The following GRID2 variants were observed in gnomAD, a reference collection of about 807,000 sequenced individuals.
GRID2 encodes the protein glutamate ionotropic receptor delta type subunit 2.
Under a neutral mutation model 114.8 loss-of-function variants are expected in GRID2, and 33 were observed. That is an observed-to-expected ratio of 0.29 (90% CI 0.22 to 0.38). The LOEUF is 0.38. Among genes scored for constraint, GRID2 ranks in the 10% least tolerant of loss-of-function variants. The probability of loss-of-function intolerance (pLI) is 1.00; values close to 1 mark genes in which losing one functional copy is unlikely to be tolerated. For missense variants in GRID2, 1,184 were observed against 1,257.7 expected (o/e 0.94, Z 0.89); for synonymous variants, 505 against 449.9 (o/e 1.12, Z -1.55).
chr4:92,800,437 T>C (rs1266321796), intron 2 of GRID2, among the ~76,000 whole-genome samples: 3 of 151,954 alleles, frequency 2.0e-5, no homozygotes, highest in East Asian at 3.9e-4. Context: ...AGGTTGTAGA[T>C]TGACACAACA....
intron 8 of GRID2, among the ~76,000 whole-genome samples, chr4:93,377,932 T>C (rs1262889258): frequency 1.3e-5 from 2 of 152,114 alleles, no homozygotes; most frequent in East Asian, 3.9e-4. Context: ...TACATGTATA[T>C]CTTGACTTAT....
At chr4:93,466,016 A>G (rs1724232769) in intron 11 of GRID2, among the ~76,000 whole-genome samples, 1 of 152,168 alleles carries the variant, frequency 6.6e-6, no homozygotes, top group South Asian at 2.1e-4. Context: ...TATATAGTAA[A>G]TTCTTTGGGG....
chr4:92,944,104 A>T (rs537546264), intron 2 of GRID2, among the ~76,000 whole-genome samples: 1 of 152,154 alleles, frequency 6.6e-6, no homozygotes, highest in Non-Finnish European at 1.5e-5. Context: ...TACTCTCTTC[A>T]AAGCTGTCAG....
At chr4:93,099,699 T>G (rs1731538231) in intron 3 of GRID2, among the ~76,000 whole-genome samples, 1 of 151,708 alleles carries the variant, frequency 6.6e-6, no homozygotes, top group Admixed American at 6.6e-5. Context: ...CAAACTAGAG[T>G]CAGTACATAG....
chr4:93,808,174 A>T (rs1330874790), exon 2 of GRID2: 1 of 152,160 alleles, frequency 6.6e-6, no homozygotes, highest in Non-Finnish European at 1.5e-5. Flanking sequence ...CACCTTCTTC[A>T]TTATGTCATC....
At chr4:92,866,802 C>T (rs934380859) in intron 2 of GRID2, among the ~76,000 whole-genome samples, 2 of 152,052 alleles carry the variant, frequency 1.3e-5, no homozygotes, top group Admixed American at 6.6e-5. Flanking sequence ...CCTCCCACCT[C>T]GGCCTCCCCA....
At chr4:93,064,403 A>G (rs895472066) in intron 2 of GRID2, among the ~76,000 whole-genome samples, 1 of 151,844 alleles carries the variant, frequency 6.6e-6, no homozygotes, top group Non-Finnish European at 1.5e-5. Flanking sequence ...TAGAATTATA[A>G]TTTTAGAAAT....
chr4:92,732,526 C>T (rs886677044), intron 2 of GRID2, among the ~76,000 whole-genome samples: 1 of 151,970 alleles, frequency 6.6e-6, no homozygotes, highest in African/African-American at 2.4e-5. Context: ...TAGAGTAGGG[C>T]TCTATTGTCT....
chr4:93,726,743 A>T (rs1465550288), intron 14 of GRID2, among the ~76,000 whole-genome samples: 1 of 152,074 alleles, frequency 6.6e-6, no homozygotes, highest in Non-Finnish European at 1.5e-5. Context: ...TTCTCTTTGA[A>T]GCAATTGTGA....
intron 13 of GRID2, among the ~76,000 whole-genome samples, chr4:93,541,217 T>C (rs957322903): frequency 6.6e-6 from 1 of 152,146 alleles, no homozygotes; most frequent in African/African-American, 2.4e-5. Context: ...ACTTAGTACA[T>C]GCGGACAGTA....
rs11414956 is a variant in GRID2 at position 93,385,717 on chromosome 4, T to TAA, written c.1246-9882_1246-9881dup. 3.9e-3 allele frequency among the ~76,000 whole-genome samples: 586 copies of TAA among 151,502 alleles called. 2 individuals carry two copies. Among genetic ancestry groups the TAA allele is most frequent in the Middle Eastern group, 6.9e-3 (2 of 290 alleles). On this transcript the variant is annotated intron_variant, in intron 8 of 15. Transcript: ENST00000282020. ...ATTTTACATTGGTTTTCTGATAATA[T>TAA]AAAAAAAAATTCACAAAATAAACCC...
chr4:93,455,992 A>C lies in GRID2; in HGVS notation c.1858+18A>C. On this transcript the variant is annotated intron_variant, in intron 11 of 15. Coordinates refer to ENST00000282020, the MANE Select transcript of GRID2 (RefSeq NM_001510.4). ...ACAACAAGGTAAGGAGCAAAAGTAC[A>C]TTCTAGTATTTAAAAAAAATAGAAT... 1 of 1,412,918 alleles carries C rather than the reference A, an allele frequency of 7.1e-7. No homozygotes were observed. Among genetic ancestry groups the C allele is most frequent in the Non-Finnish European group, 1.0e-6 (1 of 998,484 alleles). 87.5% of individuals were successfully genotyped at this position (1,412,918 alleles called of 1,614,324 possible).
chr4:92,959,133 A>G (rs979320896), intron 2 of GRID2, among the ~76,000 whole-genome samples: 18 of 139,616 alleles, frequency 1.3e-4, no homozygotes, highest in Admixed American at 1.2e-3. Context: ...TTCCCAAAAG[A>G]CTGACTTTTG....
chr4:92,813,277 T>A (rs929954694), intron 2 of GRID2, among the ~76,000 whole-genome samples: 3 of 152,116 alleles, frequency 2.0e-5, no homozygotes, highest in Non-Finnish European at 2.9e-5. Context: ...AGGCTAGACA[T>A]CTGAGATCAG....
intron 1 of GRID2, among the ~76,000 whole-genome samples, chr4:92,379,218 T>C (rs1729501178): frequency 6.6e-6 from 1 of 151,986 alleles, no homozygotes; most frequent in Non-Finnish European, 1.5e-5. Context: ...GTTTAATTTT[T>C]TTTACCTGTT....
intron 4 of GRID2, among the ~76,000 whole-genome samples, chr4:93,169,944 G>A (rs1458063604): frequency 6.6e-6 from 1 of 152,176 alleles, no homozygotes; most frequent in Non-Finnish European, 1.5e-5. Flanking sequence ...TCATATTCAA[G>A]TATGTTTCAA....
At chr4:92,903,067 A>G (rs1004430255) in intron 2 of GRID2, among the ~76,000 whole-genome samples, 2 of 151,306 alleles carry the variant, frequency 1.3e-5, no homozygotes, top group Non-Finnish European at 3.0e-5. Context: ...TAATTTTAGG[A>G]TTTTTTTTCC....
At chr4:93,016,213 G>A (rs957736113) in intron 2 of GRID2, among the ~76,000 whole-genome samples, 2 of 151,968 alleles carry the variant, frequency 1.3e-5, no homozygotes, top group African/African-American at 2.4e-5. Context: ...ACTAACGGAT[G>A]TATCAAAAAT....
intron 1 of GRID2, among the ~76,000 whole-genome samples, chr4:92,410,782 A>G (rs530987456): frequency 6.6e-6 from 1 of 151,986 alleles, no homozygotes; most frequent in Non-Finnish European, 1.5e-5. Flanking sequence ...TTAGAAAGGT[A>G]ATGTGGTACA....
Sources: allele counts gnomAD v4.1 joint callset (sites outside exome capture counted in the v4.1 genomes callset), GRCh38; gene constraint gnomAD v4.1.1; transcripts MANE v1.5; gene names NCBI Gene and HGNC (gene_info 2026-07-23, HGNC 2026-07-21).